Variants in RBBP6 observed in about 807,000 individuals in gnomAD.
The protein encoded by RBBP6 is RB binding protein 6, ubiquitin ligase.
A neutral mutation model predicts 167.7 loss-of-function variants in RBBP6; 25 were observed. That is an observed-to-expected ratio of 0.15 (90% CI 0.11 to 0.21). The LOEUF is 0.21. RBBP6 is among the 10% of genes least tolerant of loss of function. RBBP6 has a pLI of 1.00. For synonymous variants in RBBP6, 789 were observed against 735.8 expected, an observed-to-expected ratio of 1.07 and a Z score of -1.17; for missense variants, 1,868 against 2,134.2, an observed-to-expected ratio of 0.88 and a Z score of 2.46.
chr16:24,564,830 A>G lies in RBBP6; in HGVS notation c.1554A>G (p.Pro518=). The change falls in exon 14 of 18, where the codon CCA becomes CCG. Residue 518 remains proline (P), a synonymous_variant. Transcript: ENST00000319715. Reference sequence around the variant, plus strand: ...AACTTGGCTATCTGGTTTCTCCACCACAACAAATTAGAAGAGGGGAGAGGA... The same window carrying G: ...AACTTGGCTATCTGGTTTCTCCACCGCAACAAATTAGAAGAGGGGAGAGGA... ...SNKLGYLVSP[P]QQIRRGERSC... 6.2e-7 allele frequency: 1 copy of G among 1,612,974 alleles called. No homozygotes were observed. Among genetic ancestry groups the G allele is most frequent in the Non-Finnish European group, 8.5e-7 (1 of 1,179,300 alleles).
rs139014248 is a variant in RBBP6, at chr16:24,569,326, G to A, written c.2636G>A (p.Arg879His). The change falls in exon 17 of 18, where the codon CGC becomes CAC. Residue 879 changes from arginine to histidine, a missense_variant. By Grantham distance (29) the Arg-to-His change is conservative. This residue lies in a region of RBBP6 where 673 missense variants were observed against 691.5 expected (regional missense o/e 0.97). Transcript: ENST00000319715. ...NIRNSPFTRG[R>H]REDYVGGQSH... is the part of the protein sequence containing the mutation. ...AGGAATTCTCCCTTCACAAGAGGCC[G>A]CAGAGAAGACTATGTTGGTGGGCAA... 1.7e-4 allele frequency: 273 copies of A among 1,613,304 alleles called. 3 individuals are homozygous for A. The East Asian group carries it at 5.1e-3, about 30-fold the overall frequency.
At chr16:24,560,729 T>C (rs1472911575) in intron 8 of RBBP6, among the ~76,000 whole-genome samples, 1 of 152,196 alleles carries the variant, frequency 6.6e-6, no homozygotes, top group Middle Eastern at 3.2e-3. Context: ...TAACAACTAT[T>C]TACATAGCAT....
Position 24,561,853 on chromosome 16 carries a change from C to T in RBBP6, c.981C>T (p.Gly327=). Residue 327 remains glycine (G), a synonymous_variant, in exon 10 of 18, where the codon GGC becomes GGT. Transcript: ENST00000319715. ...QAVNNFKNET[G]YTKRLRKQLP... ...TAAATAACTTCAAAAATGAAACTGG[C>T]TATACAAAAAGACTACGAAAACAGT... 6.2e-7 allele frequency: 1 copy of T among 1,612,300 alleles called. No homozygotes were observed. The highest frequency in any genetic ancestry group is 1.1e-5 in the South Asian group (1 of 90,998).
chr16:24,563,368 C>G, intron 11 of RBBP6, 55 bp from the exon 12 acceptor site: 1 of 1,445,544 alleles, frequency 6.9e-7, no homozygotes, highest in Non-Finnish European at 9.4e-7. Context: ...TTGTTCTTAC[C>G]TCTTTTTTTT....
In RBBP6 at chr16:24,562,114, A is replaced by G. The variant is rs1414735320; in HGVS notation, c.1242A>G (p.Ala414=). 6.2e-6 allele frequency: 10 copies of G among 1,613,370 alleles called. No individual in the cohort carries two copies. The South Asian group carries it at 1.1e-4, about 18-fold the overall frequency. ...CAGCTCCTGTACCTGATATAACTGC[A>G]ACAGTATCCATATCAGTTCATTCAG... ...SAPAPVPDIT[A]TVSISVHSEK... The change falls in exon 10 of 18, where the codon GCA becomes GCG. Residue 414 remains alanine, a synonymous_variant. Coordinates refer to ENST00000319715, the MANE Select transcript of RBBP6 (RefSeq NM_006910.5).
intron 4 of RBBP6, chr16:24,554,156 A>G (rs1898862995): frequency 6.6e-6 from 1 of 152,058 alleles, no homozygotes; most frequent in Non-Finnish European, 1.5e-5. Context: ...AGAGGGGCAA[A>G]TTGTTACCTC....
At chr16:24,552,530 C>T (rs1567273084) in intron 3 of RBBP6, among the ~76,000 whole-genome samples, 1 of 151,664 alleles carries the variant, frequency 6.6e-6, no homozygotes, top group African/African-American at 2.4e-5. Flanking sequence ...TTTTTAAAAA[C>T]TGATATTAAA....
Position 24,572,104 on chromosome 16 carries a change from G to C in RBBP6, c.5038G>C (p.Ala1680Pro). ...VEKAKESLDT[A>P]AVVQVGISRN... ...GAAAGCAAAAGAGAGCCTGGACACAGCAGCAGTTGTCCAGGTGGGCATAAG... is the reference window on the plus strand; with the variant it reads ...GAAAGCAAAAGAGAGCCTGGACACACCAGCAGTTGTCCAGGTGGGCATAAG... The change falls in exon 18 of 18, where the codon GCA (alanine) becomes CCA (proline). Residue 1680 changes from alanine (A) to proline (P), a missense_variant. Physicochemically the swap from Ala to Pro is conservative, Grantham distance 27 (BLOSUM62 -1). Around this residue, in one of 7 missense-constraint regions of RBBP6, gnomAD observed 591 missense variants for 540.5 expected, o/e 1.09. Transcript: ENST00000319715. 1 of 1,614,122 alleles carries C rather than the reference G, an allele frequency of 6.2e-7. No individual in the cohort carries two copies. The highest frequency in any genetic ancestry group is 8.5e-7 in the Non-Finnish European group (1 of 1,180,016).
chr16:24,571,525 C>T lies in RBBP6; in HGVS notation c.4459C>T (p.Arg1487Cys), dbSNP rs555354602. ...YDTREYSSSKRRDEKNELTRR... is the reference protein window; with the variant it reads ...YDTREYSSSKCRDEKNELTRR... ...CACCAGAGAGTATTCAAGTTCCAAACGTAGAGATGAAAAGAATGAATTAAC... is the reference window on the plus strand; with the variant it reads ...CACCAGAGAGTATTCAAGTTCCAAATGTAGAGATGAAAAGAATGAATTAAC... Residue 1487 changes from arginine (R) to cysteine (C), a missense_variant, in exon 18 of 18, where the codon CGT becomes TGT. Physicochemically the swap from Arg to Cys is radical, Grantham distance 180. This residue lies in a region of RBBP6 where 591 missense variants were observed against 540.5 expected (regional missense o/e 1.09). Transcript: ENST00000319715. 19 of 1,613,402 alleles carry T rather than the reference C, an allele frequency of 1.2e-5. No homozygotes were observed. The highest frequency in any genetic ancestry group is 4.0e-5 in the African/African-American group (3 of 74,940).
At chr16:24,558,686 G>C (rs1898976325) in intron 7 of RBBP6, among the ~76,000 whole-genome samples, 1 of 152,184 alleles carries the variant, frequency 6.6e-6, no homozygotes, top group South Asian at 2.1e-4. Flanking sequence ...AGAAGCAGTG[G>C]TGACAAGTCT....
At chr16:24,541,696 C>G (rs1013640992) in intron 1 of RBBP6, among the ~76,000 whole-genome samples, 2 of 152,200 alleles carry the variant, frequency 1.3e-5, no homozygotes, top group Non-Finnish European at 2.9e-5. Flanking sequence ...GACAAGCAGT[C>G]TTTCCTGACT....
At chr16:24,562,348 A>G (rs555930823) in intron 10 of RBBP6, among the ~76,000 whole-genome samples, 187 bp downstream of exon 10, 1 of 152,336 alleles carries the variant, frequency 6.6e-6, no homozygotes, top group East Asian at 1.9e-4. Context: ...TTGGCAAATG[A>G]GGATTAAGCA....
At position 24,540,729 on chromosome 16, in the gene RBBP6, G is replaced by T; in HGVS notation, c.103G>T (p.Gly35Trp). The T allele has an allele frequency of 3.7e-6, 6 of 1,614,102 alleles. No individual in the cohort carries two copies. Among genetic ancestry groups the T allele is most frequent in the Non-Finnish European group, 5.1e-6 (6 of 1,180,028 alleles). Residue 35 changes from glycine (G) to tryptophan (W), a missense_variant, in exon 1 of 18, where the codon GGG becomes TGG. Coordinates refer to ENST00000319715, the MANE Select transcript of RBBP6 (RefSeq NM_006910.5). ...CTGCGACTTAAAGAAGCAGATTATG[G>T]GGAGAGAGAAGCTGAAAGCTGCCGA... The part of the protein sequence containing the change: ...SLCDLKKQIM[G>W]REKLKAADCD...
At chr16:24,546,364 C>T (rs1898650561) in intron 2 of RBBP6, 102 bp downstream of exon 2, 2 of 1,261,740 alleles carry the variant, frequency 1.6e-6, no homozygotes, top group Non-Finnish European at 2.0e-6. Flanking sequence ...TTACTTTAAC[C>T]TTAATGAATA....
intron 8 of RBBP6, among the ~76,000 whole-genome samples, chr16:24,560,036 C>G (rs1899009386): frequency 6.7e-6 from 1 of 150,018 alleles, no homozygotes; most frequent in Admixed American, 6.6e-5. Flanking sequence ...GTATCTAAAT[C>G]TTTTTCCTGG....
intron 8 of RBBP6, among the ~76,000 whole-genome samples, chr16:24,560,119 T>G (rs542620594): frequency 6.7e-5 from 10 of 149,800 alleles, no homozygotes; most frequent in East Asian, 5.8e-4. Flanking sequence ...TTGTTTTTTT[T>G]TTTTTTTTTT....
chr16:24,552,405 A>T (rs1396010317), intron 3 of RBBP6, among the ~76,000 whole-genome samples: 1 of 151,802 alleles, frequency 6.6e-6, no homozygotes, highest in Non-Finnish European at 1.5e-5. Flanking sequence ...ACATCTTGTT[A>T]CATTCTCCAT....
rs752841122 is a variant in RBBP6, at chr16:24,563,336, G to T, written c.1386+41G>T. The T allele has an allele frequency of 4.5e-6, 7 of 1,568,718 alleles. No individual in the cohort carries two copies. The Admixed American group carries it at 1.3e-4, about 28-fold the overall frequency. The stretch of plus-strand genomic sequence containing the variant: ...GCTTTAATTTGGGATTTTTTTTACA[G>T]CAGGGTTTTGTTTTTCTGGCTTTGT... On this transcript the variant is annotated intron_variant, in intron 11 of 17. Transcript: ENST00000319715.
chr16:24,558,384 C>CTT (rs199519899), intron 7 of RBBP6: 409 of 532,118 alleles, frequency 7.7e-4, no homozygotes, highest in Non-Finnish European at 8.9e-4. Context: ...CTCTTTTTTT[C>CTT]TTTTTTTTTT....
Sources: gnomAD v4.1 joint callset for allele counts (sites outside exome capture counted in the v4.1 genomes callset) on GRCh38, gnomAD v4.1.1 for gene constraint, gnomAD v4.1.1 regional missense constraint, MANE v1.5 for transcripts, NCBI Gene and HGNC (gene_info 2026-07-23, HGNC 2026-07-21) for gene names.